The following RAB3IP variants were observed in gnomAD, a reference collection of about 807,000 sequenced individuals.
RAB3IP encodes rab-3A-interacting protein.
Under a neutral mutation model 59.1 loss-of-function variants are expected in RAB3IP, and 36 were observed. The ratio of observed to expected loss-of-function variants is 0.61; its 90% confidence interval spans 0.47 to 0.80. The LOEUF is 0.80. RAB3IP is among the 30% of genes least tolerant of loss of function. The probability of loss-of-function intolerance (pLI) is 0.00; values close to 1 mark genes in which losing one functional copy is unlikely to be tolerated. For synonymous variants in RAB3IP, 207 were observed against 191.2 expected (o/e 1.08, Z -0.68); for missense variants, 511 against 536.0 (o/e 0.95, Z 0.46).
chr12:69,780,104 G>T lies in RAB3IP; in HGVS notation c.511-4616G>T, dbSNP rs914412507. Among the ~76,000 whole-genome samples, 4 of 152,130 alleles carry T rather than the reference G, an allele frequency of 2.6e-5. No individual in the cohort carries two copies. The East Asian group carries it at 7.7e-4, about 29-fold the overall frequency. On this transcript the variant is annotated intron_variant, in intron 3 of 10. Coordinates refer to ENST00000247833, the MANE Select transcript of RAB3IP (RefSeq NM_022456.5). The stretch of plus-strand genomic sequence containing the variant: ...GAAGATGACATGGTGCTCCAGCCAG[G>T]ATATACCTAATGATGACTCAAGGTA...
At chr12:69,801,576 T>C (rs1251153838) in intron 7 of RAB3IP, 33 bp from the exon 8 acceptor site, 1 of 1,168,030 alleles carries the variant, frequency 8.6e-7, no homozygotes, top group African/African-American at 1.6e-5. Flanking sequence ...TTTCTGCCAG[T>C]ATAGCATCTA....
chr12:69,801,291 G>A (rs1300197481), intron 7 of RAB3IP, among the ~76,000 whole-genome samples: 1 of 152,152 alleles, frequency 6.6e-6, no homozygotes, highest in African/African-American at 2.4e-5. Context: ...TAAAGCTTTA[G>A]GATATTCATT....
chr12:69,755,191 A>C lies in RAB3IP; in HGVS notation c.-25-193A>C, dbSNP rs1352634644. 2.6e-5 allele frequency among the ~76,000 whole-genome samples: 4 copies of C among 151,682 alleles called. No individual in the cohort carries two copies. The East Asian group carries it at 7.7e-4, about 29-fold the overall frequency. ...GCATTTGGGCTCAAGCAATCCTCCC[A>C]CCTCATCTTCCCGAGTAGCTGGTAC... On this transcript the variant is annotated intron_variant, in intron 1 of 10. Transcript: ENST00000247833.
chr12:69,751,479 T>C lies in RAB3IP; in HGVS notation c.-25-3905T>C, dbSNP rs1276983272. ...CGTTGCTATGCTGACCAACTTTTCA[T>C]TGGATAAACTTAGAATTTTTTTTCT... On this transcript the variant is annotated intron_variant, in intron 1 of 10. Coordinates refer to ENST00000247833, the MANE Select transcript of RAB3IP (RefSeq NM_022456.5). 3.9e-5 allele frequency among the ~76,000 whole-genome samples: 6 copies of C among 152,280 alleles called. No individual in the cohort carries two copies. The East Asian group carries it at 5.8e-4, about 15-fold the overall frequency.
At position 69,821,510 on chromosome 12, in the gene RAB3IP, ATTCTC is replaced by A. The variant is rs1307989017; in HGVS notation, c.*6068_*6072del. 5.3e-5 allele frequency: 8 copies of A among 152,064 alleles called. No homozygotes were observed. The highest frequency in any genetic ancestry group is 1.9e-4 in the African/African-American group (8 of 41,390). 9.4% of individuals were successfully genotyped at this position (152,064 alleles called of 1,614,324 possible). A position where few individuals can be genotyped will look rare whatever the true frequency, so the allele number is the denominator to read the frequency against. ...AGTCCTCCCAGCAACTTCCTTCTCA[ATTCTC>A]TTCACTTTCCGCAGATCTCGGCACC... On this transcript the variant is annotated 3_prime_UTR_variant, in exon 11 of 11. Transcript: ENST00000247833.
At chr12:69,770,691 A>G (rs1381621588) in intron 3 of RAB3IP, among the ~76,000 whole-genome samples, 1 of 152,082 alleles carries the variant, frequency 6.6e-6, no homozygotes, top group African/African-American at 2.4e-5. Context: ...CCAAGTTACC[A>G]TTTAAAAAAA....
chr12:69,779,717 T>G (rs1261069706), intron 3 of RAB3IP, among the ~76,000 whole-genome samples: 1 of 152,028 alleles, frequency 6.6e-6, no homozygotes, highest in African/African-American at 2.4e-5. Context: ...CTCTCTTAAA[T>G]TTTTCTGATA....
chr12:69,799,433 C>G (rs943211207), intron 6 of RAB3IP, among the ~76,000 whole-genome samples: 3 of 152,038 alleles, frequency 2.0e-5, no homozygotes, highest in Non-Finnish European at 4.4e-5. Context: ...GGGAAGAATA[C>G]TTGGGGAAAA....
At chr12:69,781,059 T>G (rs1397990016) in intron 3 of RAB3IP, among the ~76,000 whole-genome samples, 1 of 152,226 alleles carries the variant, frequency 6.6e-6, no homozygotes, top group East Asian at 1.9e-4. Context: ...GTTGTAACTC[T>G]TTTTCCAAGT....
intron 8 of RAB3IP, among the ~76,000 whole-genome samples, chr12:69,808,649 A>G (rs1051541651): frequency 1.3e-5 from 2 of 152,144 alleles, no homozygotes; most frequent in East Asian, 1.9e-4. Context: ...TCCCTTTACC[A>G]TTATGTAATG....
chr12:69,770,082 A>C (rs1208512280), intron 3 of RAB3IP, among the ~76,000 whole-genome samples: 1 of 152,216 alleles, frequency 6.6e-6, no homozygotes, highest in Non-Finnish European at 1.5e-5. Flanking sequence ...TCATCAGTTT[A>C]AGAGAGTCTT....
intron 3 of RAB3IP, among the ~76,000 whole-genome samples, chr12:69,767,157 T>C (rs955372815): frequency 6.6e-6 from 1 of 152,212 alleles, no homozygotes; most frequent in Non-Finnish European, 1.5e-5. Flanking sequence ...TTCTTCCCTA[T>C]AATTGTTTTT....
chr12:69,785,371 C>T (rs1255105457), intron 4 of RAB3IP, among the ~76,000 whole-genome samples: 1 of 152,090 alleles, frequency 6.6e-6, no homozygotes, highest in African/African-American at 2.4e-5. Flanking sequence ...TATACATATA[C>T]ATGTATAGAG....
chr12:69,741,601 C>T (rs1172975301), intron 1 of RAB3IP, among the ~76,000 whole-genome samples: 1 of 152,164 alleles, frequency 6.6e-6, no homozygotes, highest in African/African-American at 2.4e-5. Flanking sequence ...AAGCTTTATA[C>T]TCATTTACTC....
At chr12:69,742,903 C>A (rs929533811) in intron 1 of RAB3IP, among the ~76,000 whole-genome samples, 2 of 151,928 alleles carry the variant, frequency 1.3e-5, no homozygotes, top group Admixed American at 1.3e-4. Flanking sequence ...TAGGGCAACA[C>A]GAAATTAGAT....
At chr12:69,763,839 T>C (rs1225047394) in intron 3 of RAB3IP, among the ~76,000 whole-genome samples, 1 of 152,076 alleles carries the variant, frequency 6.6e-6, no homozygotes, top group Non-Finnish European at 1.5e-5. Flanking sequence ...CTCCCACTTA[T>C]AAGTGAAAAA....
rs36027548 is a variant in RAB3IP at position 69,820,304 on chromosome 12, T to A, written c.*4858T>A. 1.3e-5 allele frequency: 2 copies of A among 152,116 alleles called. No homozygotes were observed. The highest frequency in any genetic ancestry group is 2.9e-5 in the Non-Finnish European group (2 of 68,062). 9.4% of individuals were successfully genotyped at this position (152,116 alleles called of 1,614,324 possible). ...GTCATTGTCACTCCCATTCCAGTTA[T>A]CAGCAAATTCCATCAGCTGTCTCCG... On this transcript the variant is annotated 3_prime_UTR_variant, in exon 11 of 11. Coordinates refer to ENST00000247833, the MANE Select transcript of RAB3IP (RefSeq NM_022456.5).
intron 6 of RAB3IP, among the ~76,000 whole-genome samples, chr12:69,797,359 G>A (rs148503366): frequency 2.0e-5 from 3 of 152,086 alleles, no homozygotes; most frequent in Middle Eastern, 3.4e-3. Flanking sequence ...AAGTGCTTAC[G>A]GTGGTTCCTG....
chr12:69,780,318 T>C (rs1874472406), intron 3 of RAB3IP, among the ~76,000 whole-genome samples: 3 of 152,170 alleles, frequency 2.0e-5, no homozygotes, highest in African/African-American at 7.2e-5. Flanking sequence ...CTGGTGAGCT[T>C]GCACCAGTGG....
Sources: gnomAD v4.1 joint callset for allele counts (sites outside exome capture counted in the v4.1 genomes callset) on GRCh38, gnomAD v4.1.1 for gene constraint, MANE v1.5 for transcripts, NCBI Gene and HGNC (gene_info 2026-07-23, HGNC 2026-07-21) for gene names.